The following SLC8A1 variants were observed in gnomAD, a reference collection of about 807,000 sequenced individuals.
The protein encoded by SLC8A1 is sodium/calcium exchanger 1.
In SLC8A1, 18 loss-of-function variants were observed where a neutral mutation model predicts 68.3. That is an observed-to-expected ratio of 0.26 (90% CI 0.18 to 0.39). The LOEUF (loss-of-function observed/expected upper bound fraction) is 0.39. Among genes scored for constraint, SLC8A1 ranks in the 10% least tolerant of loss-of-function variants. The pLI is 1.00. For missense variants in SLC8A1, 985 were observed against 1,156.7 expected (o/e 0.85, Z 2.15); for synonymous variants, 475 against 415.5 (o/e 1.14, Z -1.74).
intron 7 of SLC8A1, among the ~76,000 whole-genome samples, chr2:40,128,541 C>T (rs2038637669): frequency 6.6e-6 from 1 of 152,154 alleles, no homozygotes; most frequent in South Asian, 2.1e-4. Flanking sequence ...CTCCTTAGCA[C>T]TGTGTTGTGA....
rs533453395 is a variant in SLC8A1 at position 40,160,662 on chromosome 2, T to C, written c.2161+103A>G. 8.5e-6 allele frequency: 8 copies of C among 935,706 alleles called. No homozygotes were observed. The African/African-American group carries it at 1.3e-4, about 16-fold the overall frequency. 58.0% of individuals were successfully genotyped at this position (935,706 alleles called of 1,614,324 possible). On this transcript the variant is annotated intron_variant, in intron 6 of 7. Transcript: ENST00000406785. ...ACTTATTTCTCCCTTAATTTTGCCA[T>C]GGAAGCCCTTTGGTGCTTTGCCATA...
chr2:40,346,373 C>T (rs905932513), intron 2 of SLC8A1, among the ~76,000 whole-genome samples: 1 of 152,112 alleles, frequency 6.6e-6, no homozygotes, highest in African/African-American at 2.4e-5. Flanking sequence ...GGACTGGCAT[C>T]CCTGGGACTT....
chr2:40,236,791 G>A (rs1236618873), intron 2 of SLC8A1, among the ~76,000 whole-genome samples: 1 of 151,354 alleles, frequency 6.6e-6, no homozygotes, highest in Non-Finnish European at 1.5e-5. Context: ...TTTAGGGCAG[G>A]CCTGGTGGTG....
At chr2:40,356,454 C>T (rs181704340) in intron 2 of SLC8A1, among the ~76,000 whole-genome samples, 4 of 151,882 alleles carry the variant, frequency 2.6e-5, no homozygotes, top group East Asian at 1.9e-4. Context: ...ATAAAAATCG[C>T]GTGAATACTT....
intron 1 of SLC8A1, among the ~76,000 whole-genome samples, chr2:40,457,205 C>T (rs764303792): frequency 7.2e-5 from 11 of 152,150 alleles, no homozygotes; most frequent in Non-Finnish European, 1.5e-4. Flanking sequence ...ACTAAGTTTA[C>T]ACAACACACT....
intron 4 of SLC8A1, among the ~76,000 whole-genome samples, chr2:40,174,005 T>C (rs1251770126): frequency 1.3e-5 from 2 of 152,194 alleles, no homozygotes; most frequent in Admixed American, 6.5e-5. Context: ...ACAGGCTGAG[T>C]ACCATTCTAA....
rs962317296 is a variant in SLC8A1, at chr2:40,416,056, A to T, written c.1808+12417T>A. Reference sequence around the variant, plus strand: ...ACAGATTGAGCGAGGCTCTGTTTTAAAAAAAAAAAAAAAAAAAAAGCAACC... The same window carrying T: ...ACAGATTGAGCGAGGCTCTGTTTTATAAAAAAAAAAAAAAAAAAAGCAACC... On this transcript the variant is annotated intron_variant, in intron 2 of 7. Coordinates refer to ENST00000406785, the Ensembl canonical transcript of SLC8A1. Among the ~76,000 whole-genome samples the T allele has an allele frequency of 3.2e-3, 455 of 142,270 alleles. 2 individuals carry two copies. Among genetic ancestry groups the T allele is most frequent in the African/African-American group, 0.011 (427 of 38,468 alleles). 93.3% of individuals were successfully genotyped at this position (142,270 alleles called of 152,430 possible).
chr2:40,159,953 G>T (rs1371348069), intron 6 of SLC8A1, among the ~76,000 whole-genome samples: 3 of 152,142 alleles, frequency 2.0e-5, no homozygotes, highest in South Asian at 2.1e-4. Flanking sequence ...ACGTATTTAG[G>T]AAACTCTACC....
intron 2 of SLC8A1, among the ~76,000 whole-genome samples, chr2:40,229,961 T>C (rs1343544994): frequency 6.6e-6 from 1 of 152,204 alleles, no homozygotes; most frequent in Non-Finnish European, 1.5e-5. Context: ...TATGTTGTTA[T>C]TGTTCTATGA....
chr2:40,317,825 C>G (rs1038426762), intron 2 of SLC8A1, among the ~76,000 whole-genome samples: 1 of 151,998 alleles, frequency 6.6e-6, no homozygotes, highest in Non-Finnish European at 1.5e-5. Flanking sequence ...GTTATGTCCC[C>G]AATTTTTGAA....
At chr2:40,257,012 G>C (rs1318492160) in intron 2 of SLC8A1, among the ~76,000 whole-genome samples, 1 of 79,074 alleles carries the variant, frequency 1.3e-5, no homozygotes, top group Admixed American at 1.8e-4. Context: ...AGCCTATCAA[G>C]TAAGTAAATA....
At chr2:40,332,478 G>A (rs192908935) in intron 2 of SLC8A1, among the ~76,000 whole-genome samples, 9 of 152,146 alleles carry the variant, frequency 5.9e-5, no homozygotes, top group East Asian at 3.9e-4. Context: ...TCTTTATCCC[G>A]TGAGTTCATT....
chr2:40,337,506 C>T (rs929862317), intron 2 of SLC8A1, among the ~76,000 whole-genome samples: 3 of 152,144 alleles, frequency 2.0e-5, no homozygotes, highest in Non-Finnish European at 2.9e-5. Context: ...ACCTCCATAG[C>T]GCACTCAGCA....
chr2:40,292,006 T>C (rs1280036899), intron 2 of SLC8A1, among the ~76,000 whole-genome samples: 2 of 151,998 alleles, frequency 1.3e-5, no homozygotes, highest in Non-Finnish European at 2.9e-5. Context: ...TAACATCATA[T>C]TAACTTCTAG....
chr2:40,239,652 C>A (rs1490017075), intron 2 of SLC8A1, among the ~76,000 whole-genome samples: 2 of 152,046 alleles, frequency 1.3e-5, no homozygotes, highest in Non-Finnish European at 2.9e-5. Flanking sequence ...TCTACTCCAG[C>A]CTGGGCAACA....
chr2:40,231,383 T>C (rs2059625318), intron 2 of SLC8A1, among the ~76,000 whole-genome samples: 1 of 152,174 alleles, frequency 6.6e-6, no homozygotes, highest in Non-Finnish European at 1.5e-5. Context: ...TACAGGTCTT[T>C]AGGGTTGCTC....
At chr2:40,452,582 T>C (rs1702693772), upstream of SLC8A1, among the ~76,000 whole-genome samples, 1 of 152,162 alleles carries the variant, frequency 6.6e-6, no homozygotes, top group South Asian at 2.1e-4. Flanking sequence ...ACTTTGTTAA[T>C]CCAACTATCT....
chr2:40,510,388 A>G (rs1388644530), intron 1 of SLC8A1, among the ~76,000 whole-genome samples: 2 of 152,200 alleles, frequency 1.3e-5, no homozygotes, highest in African/African-American at 2.4e-5. Flanking sequence ...GAGAAAAAAC[A>G]GGAGCAGACA....
chr2:40,290,141 G>A (rs1470434802), intron 2 of SLC8A1, among the ~76,000 whole-genome samples: 1 of 151,834 alleles, frequency 6.6e-6, no homozygotes, highest in Non-Finnish European at 1.5e-5. Flanking sequence ...TAAACTGTTG[G>A]TTCCATTAAG....
Sources: allele counts gnomAD v4.1 joint callset (sites outside exome capture counted in the v4.1 genomes callset), GRCh38; gene constraint gnomAD v4.1.1; transcripts MANE v1.5; gene names NCBI Gene and HGNC (gene_info 2026-07-23, HGNC 2026-07-21).